PCSK5: variants seen among roughly 807,000 people sequenced by gnomAD.
PCSK5 encodes proprotein convertase subtilisin/kexin type 5, also known as prohormone convertase 5.
In PCSK5, 129 loss-of-function variants were observed where a neutral mutation model predicts 233.2. The observed-to-expected ratio is 0.55, with a 90% CI of 0.48 to 0.64. The LOEUF is 0.64. PCSK5 is among the 30% of genes least tolerant of loss of function. The pLI, the probability that PCSK5 is intolerant of heterozygous loss-of-function variation, is 0.00. For synonymous variants in PCSK5, 825 were observed against 879.2 expected, an observed-to-expected ratio of 0.94 and a Z score of 1.09; for missense variants, 2,076 against 2,430.1, an observed-to-expected ratio of 0.85 and a Z score of 3.06.
At position 76,023,772 on chromosome 9, in the gene PCSK5, A is replaced by G; in HGVS notation, c.446A>G (p.Asp149Gly). The G allele has an allele frequency of 1.2e-6, 2 of 1,613,314 alleles. No individual in the cohort carries two copies. Among genetic ancestry groups the G allele is most frequent in the Admixed American group, 3.3e-5 (2 of 59,990 alleles). ...CSDNTHPCQS[D>G]MNIEGAWKRG... ...GACAATACACATCCCTGCCAGTCTG[A>G]CATGAATATCGAAGGAGCCTGGAAG... Residue 149 changes from aspartate (D) to glycine (G), a missense_variant, in exon 4 of 38, where the codon GAC becomes GGC. Physicochemically the swap from Asp to Gly is moderately conservative, Grantham distance 94. Coordinates refer to ENST00000674117, the MANE Select transcript of PCSK5 (RefSeq NM_001372043.1).
chr9:76,103,014 T>G (rs1831827831), intron 8 of PCSK5, among the ~76,000 whole-genome samples: 1 of 152,196 alleles, frequency 6.6e-6, no homozygotes, highest in African/African-American at 2.4e-5. Context: ...TACTTCACAT[T>G]TACAGATTCT....
intron 4 of PCSK5, among the ~76,000 whole-genome samples, chr9:76,025,604 A>G (rs544222564): frequency 2.0e-5 from 3 of 152,248 alleles, no homozygotes; most frequent in Admixed American, 6.5e-5. Context: ...TTATCTACAT[A>G]TGTTTCTTAT....
At chr9:76,350,971 G>A in intron 36 of PCSK5, 43 bp downstream of exon 36, 1 of 979,910 alleles carries the variant, frequency 1.0e-6, no homozygotes. Context: ...TCTTTCTAGA[G>A]GGAAACATGA....
intron 32 of PCSK5, among the ~76,000 whole-genome samples, chr9:76,326,917 A>C (rs1587333428): frequency 2.0e-5 from 3 of 152,290 alleles, no homozygotes; most frequent in Admixed American, 2.0e-4. Context: ...GAAGCAAACC[A>C]TGCATGCCTC....
chr9:76,288,360 A>G (rs1009320581), intron 24 of PCSK5, among the ~76,000 whole-genome samples: 2 of 152,136 alleles, frequency 1.3e-5, no homozygotes, highest in Admixed American at 1.3e-4. Context: ...GGAGTTCAAA[A>G]CCACCAGGGC....
chr9:76,275,754 AAGAG>A (rs1827670604), intron 24 of PCSK5, among the ~76,000 whole-genome samples: 1 of 152,192 alleles, frequency 6.6e-6, no homozygotes, highest in African/African-American at 2.4e-5. Flanking sequence ...GGGAAGACAG[AAGAG>A]AGAGAATCAT....
chr9:76,227,479 A>T lies in PCSK5; in HGVS notation c.2627-24A>T, dbSNP rs754342658. The T allele has an allele frequency of 3.9e-6, 6 of 1,540,308 alleles. No individual in the cohort carries two copies. The East Asian group carries it at 1.4e-4, about 35-fold the overall frequency. On this transcript the variant is annotated intron_variant, in intron 20 of 37. Coordinates refer to ENST00000674117, the MANE Select transcript of PCSK5 (RefSeq NM_001372043.1). ...CAGGCTTGCCATGTAGAAATGAAAT[A>T]AACAACTAGATTTTGTTCCCCAGGA...
chr9:75,985,441 G>A (rs111271446), intron 2 of PCSK5, among the ~76,000 whole-genome samples: 1,763 of 152,212 alleles, frequency 0.012, 21 homozygotes, highest in South Asian at 0.046. Flanking sequence ...GATAGGGCTA[G>A]GGATTTGGTT....
rs377695885 is a variant in PCSK5, at chr9:76,073,601, A to G, written c.894+1703A>G. Among the ~76,000 whole-genome samples, 6 of 152,288 alleles carry G rather than the reference A, an allele frequency of 3.9e-5. No individual in the cohort carries two copies. In the East Asian group the frequency reaches 1.2e-3, roughly 29 times the overall value. On this transcript the variant is annotated intron_variant, in intron 7 of 37. Transcript: ENST00000674117. Reference sequence around the variant, plus strand: ...ATCATTCAAATTCAGTAAACCAAACACTGTTCATATTTAATCATAAAATTA... The same window carrying G: ...ATCATTCAAATTCAGTAAACCAAACGCTGTTCATATTTAATCATAAAATTA...
rs1464192455 is a variant in PCSK5, at chr9:76,338,312, T to A, written c.4831T>A (p.Cys1611Ser). The change falls in exon 35 of 38, where the codon TGC becomes AGC. Residue 1611 changes from cysteine (C) to serine (S), a missense_variant. Coordinates refer to ENST00000674117, the MANE Select transcript of PCSK5 (RefSeq NM_001372043.1). ...KGCQGPRPTD[C>S]LSCDRFFFLL... The stretch of plus-strand genomic sequence containing the variant: ...GTGCCAGGGCCCACGGCCCACAGAC[T>A]GCCTGTCTTGCGATAGATTTTTCTT... 1.2e-6 allele frequency: 2 copies of A among 1,612,568 alleles called. No individual in the cohort carries two copies. The highest frequency in any genetic ancestry group is 3.3e-5 in the Admixed American group (2 of 60,012).
chr9:75,937,696 CTGT>C (rs1233375439), intron 2 of PCSK5, among the ~76,000 whole-genome samples: 2 of 152,242 alleles, frequency 1.3e-5, no homozygotes, highest in Non-Finnish European at 2.9e-5. Context: ...CATTGAACAT[CTGT>C]TGTTTAGTGT....
chr9:76,139,980 T>G (rs1823141800), intron 10 of PCSK5, among the ~76,000 whole-genome samples: 1 of 152,202 alleles, frequency 6.6e-6, no homozygotes, highest in South Asian at 2.1e-4. Flanking sequence ...CTCATCAGAA[T>G]GTTCAACTCA....
At chr9:76,134,618 G>A (rs987353170) in intron 10 of PCSK5, among the ~76,000 whole-genome samples, 2 of 152,108 alleles carry the variant, frequency 1.3e-5, no homozygotes, top group African/African-American at 2.4e-5. Context: ...GTGTAGCACT[G>A]TTAGTTGCTA....
chr9:76,176,021 C>CAA (rs5898456), intron 14 of PCSK5, among the ~76,000 whole-genome samples: 25 of 147,736 alleles, frequency 1.7e-4, no homozygotes, highest in Admixed American at 5.4e-4. Context: ...GTTGTTTTGA[C>CAA]AAAAAAAAAA....
At chr9:76,044,606 G>A (rs1266839891) in intron 5 of PCSK5, among the ~76,000 whole-genome samples, 4 of 152,140 alleles carry the variant, frequency 2.6e-5, no homozygotes, top group Admixed American at 1.3e-4. Context: ...AATGCTGTAC[G>A]CAGTGCAACC....
intron 2 of PCSK5, among the ~76,000 whole-genome samples, chr9:75,934,276 C>T (rs1382498813): frequency 6.6e-6 from 1 of 152,198 alleles, no homozygotes; most frequent in Non-Finnish European, 1.5e-5. Context: ...GCCGTCTGCT[C>T]ATCGTTCCCA....
At chr9:75,914,007 T>C (rs1368903525) in intron 1 of PCSK5, among the ~76,000 whole-genome samples, 4 of 152,184 alleles carry the variant, frequency 2.6e-5, no homozygotes, top group Non-Finnish European at 5.9e-5. Context: ...AGGTCTTATT[T>C]ATAGGTCCAG....
intron 5 of PCSK5, among the ~76,000 whole-genome samples, chr9:76,031,181 A>C (rs923002101): frequency 6.6e-6 from 1 of 152,170 alleles, no homozygotes; most frequent in Non-Finnish European, 1.5e-5. Flanking sequence ...AGACCATAAT[A>C]ATGGATATGA....
At chr9:75,932,525 C>T (rs556008428) in intron 2 of PCSK5, 42 bp downstream of exon 2, 2 of 1,171,302 alleles carry the variant, frequency 1.7e-6, no homozygotes, top group South Asian at 1.2e-5. Context: ...GGCAAAGCTT[C>T]TGCATTTTTC....
Sources: allele counts gnomAD v4.1 joint callset (sites outside exome capture counted in the v4.1 genomes callset), GRCh38; gene constraint gnomAD v4.1.1; transcripts MANE v1.5; gene names NCBI Gene and HGNC (gene_info 2026-07-23, HGNC 2026-07-21).